The following RNF220 variants were observed in gnomAD, a reference collection of about 807,000 sequenced individuals.
RNF220 encodes E3 ubiquitin-protein ligase RNF220.
RNF220 carries 7 observed loss-of-function variants against 67.1 expected under a neutral mutation model. The observed-to-expected ratio is 0.10, with a 90% CI of 0.06 to 0.20. The LOEUF (loss-of-function observed/expected upper bound fraction) is 0.20, where lower values mean the gene tolerates loss of function less well. Among genes scored for constraint, RNF220 ranks in the 10% least tolerant of loss-of-function variants. The pLI is 1.00. For missense variants in RNF220, 565 were observed against 740.3 expected (o/e 0.76, Z 2.75); for synonymous variants, 270 against 283.2 (o/e 0.95, Z 0.47).
At chr1:44,520,055 A>G (rs145379153) in intron 2 of RNF220, among the ~76,000 whole-genome samples, 236 of 150,422 alleles carry the variant, frequency 1.6e-3, no homozygotes, top group African/African-American at 5.6e-3. Flanking sequence ...GGAAAAAAAT[A>G]GAATGGTAAG....
intron 2 of RNF220, among the ~76,000 whole-genome samples, chr1:44,441,816 T>C (rs1422242143): frequency 6.6e-6 from 1 of 152,150 alleles, no homozygotes; most frequent in East Asian, 1.9e-4. Context: ...AGCCATTAGG[T>C]CATAAGAATC....
intron 2 of RNF220, among the ~76,000 whole-genome samples, chr1:44,456,497 T>G (rs954154402): frequency 1.3e-5 from 2 of 152,156 alleles, no homozygotes; most frequent in African/African-American, 4.8e-5. Flanking sequence ...AAGAAACATT[T>G]ATTAAGGACC....
chr1:44,540,145 A>G (rs1473946812), intron 2 of RNF220, among the ~76,000 whole-genome samples: 2 of 152,172 alleles, frequency 1.3e-5, no homozygotes, highest in Admixed American at 6.6e-5. Flanking sequence ...CTCAAAGTCT[A>G]TGCCTGATGG....
chr1:44,632,539 T>A, intron 6 of RNF220, 154 bp downstream of exon 6: 1 of 731,986 alleles, frequency 1.4e-6, no homozygotes, highest in Admixed American at 2.2e-5. Context: ...AAACCAAAGC[T>A]GCCGCTCTCA....
chr1:44,502,526 T>G (rs565036689), intron 2 of RNF220, among the ~76,000 whole-genome samples: 5 of 152,320 alleles, frequency 3.3e-5, no homozygotes, highest in Non-Finnish European at 7.4e-5. Flanking sequence ...CTAAATAATT[T>G]GCTCAGCATT....
rs184198900 is a variant in RNF220 at position 44,406,593 on chromosome 1, C to G, written c.-118+1063C>G. Among the ~76,000 whole-genome samples, 422 of 152,386 alleles carry G rather than the reference C, an allele frequency of 2.8e-3. 2 individuals carry two copies. Among genetic ancestry groups the G allele is most frequent in the African/African-American group, 9.9e-3 (411 of 41,594 alleles). On this transcript the variant is annotated intron_variant, in intron 1 of 14. Coordinates refer to ENST00000361799, the MANE Select transcript of RNF220 (RefSeq NM_018150.4). The stretch of plus-strand genomic sequence containing the variant: ...GCCGGTCGCTGCGGTCCTGCGGCCA[C>G]TGCCGCCGCGCTTGTCAGCCCGGGC...
chr1:44,551,521 G>A (rs910460632), intron 2 of RNF220, among the ~76,000 whole-genome samples: 2 of 152,126 alleles, frequency 1.3e-5, no homozygotes, highest in Non-Finnish European at 2.9e-5. Context: ...GGGTCAAAAG[G>A]TATAAACTTT....
At chr1:44,585,238 A>G (rs1665611373) in intron 2 of RNF220, among the ~76,000 whole-genome samples, 1 of 152,172 alleles carries the variant, frequency 6.6e-6, no homozygotes. Context: ...CCTCACTAGC[A>G]GGAACTGTTC....
chr1:44,483,965 T>C (rs773262411), intron 2 of RNF220, among the ~76,000 whole-genome samples: 1 of 152,096 alleles, frequency 6.6e-6, no homozygotes, highest in Non-Finnish European at 1.5e-5. Flanking sequence ...CCTAAGCCCC[T>C]TACCCTTGCT....
intron 1 of RNF220, chr1:44,410,821 G>C (rs1215379628): frequency 6.6e-6 from 1 of 152,080 alleles, no homozygotes; most frequent in East Asian, 1.9e-4. Flanking sequence ...GTATATTTTT[G>C]ACACTAATAA....
At chr1:44,517,626 G>A (rs1659558495) in intron 2 of RNF220, among the ~76,000 whole-genome samples, 1 of 152,164 alleles carries the variant, frequency 6.6e-6, no homozygotes, top group South Asian at 2.1e-4. Context: ...CTCTGTGAGG[G>A]CAGCACTGTG....
intron 2 of RNF220, among the ~76,000 whole-genome samples, chr1:44,567,536 C>T (rs184874545): frequency 5.9e-5 from 9 of 152,002 alleles, no homozygotes; most frequent in Admixed American, 3.3e-4. Flanking sequence ...ATTTCTCAAG[C>T]GATCTTGAGA....
chr1:44,528,986 T>C (rs1660625858), intron 2 of RNF220, among the ~76,000 whole-genome samples: 1 of 152,248 alleles, frequency 6.6e-6, no homozygotes, highest in African/African-American at 2.4e-5. Context: ...TCTTATATAC[T>C]ATTGGTAAAA....
intron 2 of RNF220, among the ~76,000 whole-genome samples, chr1:44,514,384 A>T (rs1460484224): frequency 2.6e-5 from 4 of 152,364 alleles, no homozygotes; most frequent in African/African-American, 9.6e-5. Flanking sequence ...CAGATAATTG[A>T]TTCTTCATTG....
chr1:44,629,799 G>C (rs113867128), intron 5 of RNF220, among the ~76,000 whole-genome samples: 2 of 152,206 alleles, frequency 1.3e-5, no homozygotes, highest in Non-Finnish European at 2.9e-5. Context: ...CTCAGAGAAG[G>C]AACAGAAGTT....
intron 2 of RNF220, among the ~76,000 whole-genome samples, chr1:44,553,181 A>G (rs1385829632): frequency 1.6e-5 from 2 of 128,316 alleles, no homozygotes; most frequent in African/African-American, 2.7e-5. Flanking sequence ...GTATTTCCAC[A>G]GCACTCCTCA....
At chr1:44,598,622 G>A (rs1666706331) in intron 2 of RNF220, among the ~76,000 whole-genome samples, 1 of 151,910 alleles carries the variant, frequency 6.6e-6, no homozygotes, top group South Asian at 2.1e-4. Context: ...TCTGGGATAG[G>A]GGAGCTGCTG....
chr1:44,529,381 A>G (rs1312272779), intron 2 of RNF220, among the ~76,000 whole-genome samples: 3 of 151,592 alleles, frequency 2.0e-5, no homozygotes, highest in East Asian at 3.9e-4. Context: ...ACACACACAC[A>G]CATATTTTTA....
chr1:44,574,775 C>A (rs1664689349), intron 2 of RNF220, among the ~76,000 whole-genome samples: 1 of 152,134 alleles, frequency 6.6e-6, no homozygotes, highest in Non-Finnish European at 1.5e-5. Context: ...TGGGGTGATT[C>A]CTCTGTGCTT....
Sources: allele counts gnomAD v4.1 joint callset (sites outside exome capture counted in the v4.1 genomes callset), GRCh38; gene constraint gnomAD v4.1.1; transcripts MANE v1.5; gene names NCBI Gene and HGNC (gene_info 2026-07-23, HGNC 2026-07-21).